The following PRLR variants were observed in gnomAD, a reference collection of about 807,000 sequenced individuals.
PRLR encodes hPRL receptor.
PRLR carries 13 observed loss-of-function variants against 40.2 expected under a neutral mutation model. That is an observed-to-expected ratio of 0.32 (90% CI 0.21 to 0.51). PRLR has a LOEUF of 0.51. Ranked by LOEUF, PRLR falls within the 20% of genes least tolerant of loss-of-function variation. PRLR has a pLI of 0.97. For missense variants in PRLR, 656 were observed against 747.3 expected (o/e 0.88, Z 1.42); for synonymous variants, 269 against 278.7 (o/e 0.97, Z 0.35).
At position 35,119,088 on chromosome 5, in the gene PRLR, C is replaced by A. The variant is rs530719274; in HGVS notation, c.-105-966G>T. ...GGGATTATAGGTGTGAACCACCATGCCCAACCTACAGCTACTTTTTAAAAT... is the reference window on the plus strand; with the variant it reads ...GGGATTATAGGTGTGAACCACCATGACCAACCTACAGCTACTTTTTAAAAT... On this transcript the variant is annotated intron_variant, in intron 1 of 9. Transcript: ENST00000618457. Among the ~76,000 whole-genome samples, 10 of 152,254 alleles carry A rather than the reference C, an allele frequency of 6.6e-5. No individual in the cohort carries two copies. In the South Asian group the frequency reaches 1.9e-3, roughly 29 times the overall value.
At chr5:35,214,843 C>A (rs192849047) in intron 1 of PRLR, among the ~76,000 whole-genome samples, 2 of 152,200 alleles carry the variant, frequency 1.3e-5, no homozygotes, top group East Asian at 3.9e-4. Flanking sequence ...GAAACAGACC[C>A]CTGAGGAGAT....
intron 1 of PRLR, among the ~76,000 whole-genome samples, chr5:35,205,709 T>C (rs1775999096): frequency 6.6e-6 from 1 of 152,190 alleles, no homozygotes. Context: ...TGACTTTTTA[T>C]GTTCTCTATT....
chr5:35,196,983 C>T (rs1045047531), intron 1 of PRLR, among the ~76,000 whole-genome samples: 4 of 152,100 alleles, frequency 2.6e-5, no homozygotes, highest in African/African-American at 9.7e-5. Context: ...TGTAAGCGCA[C>T]TAATCTCATT....
At chr5:35,121,565 T>C (rs1045839186) in intron 1 of PRLR, among the ~76,000 whole-genome samples, 8 of 152,184 alleles carry the variant, frequency 5.3e-5, no homozygotes. Context: ...TTCAATTACC[T>C]CTGATAAGCT....
At chr5:35,118,672 A>G (rs1773158152) in intron 1 of PRLR, among the ~76,000 whole-genome samples, 1 of 152,174 alleles carries the variant, frequency 6.6e-6, no homozygotes, top group Non-Finnish European at 1.5e-5. Context: ...ATTTCTTAAC[A>G]AATTCTGACA....
chr5:35,082,515 A>ATAC (rs143893280), intron 5 of PRLR, among the ~76,000 whole-genome samples: 12,162 of 152,160 alleles, frequency 0.08, 930 homozygotes, highest in African/African-American at 0.2. Context: ...CATACAAGTA[A>ATAC]TACCCCCATC....
chr5:35,051,189 A>G (rs1768486341), downstream of PRLR, among the ~76,000 whole-genome samples: 1 of 152,238 alleles, frequency 6.6e-6, no homozygotes, highest in Admixed American at 6.5e-5. Context: ...TAGCCTTCCC[A>G]CTAGACTGTA....
intron 1 of PRLR, among the ~76,000 whole-genome samples, chr5:35,220,127 G>A (rs936270698): frequency 6.6e-6 from 1 of 152,140 alleles, no homozygotes; most frequent in African/African-American, 2.4e-5. Context: ...GCTGGGAAGA[G>A]CTCTCAAAGG....
intron 1 of PRLR, among the ~76,000 whole-genome samples, chr5:35,190,230 G>A (rs948264805): frequency 7.9e-5 from 12 of 152,210 alleles, no homozygotes; most frequent in African/African-American, 2.9e-4. Context: ...GGCACAAAGA[G>A]ATTAAGTTCT....
At chr5:35,124,785 C>T (rs899877131) in intron 1 of PRLR, among the ~76,000 whole-genome samples, 5 of 152,150 alleles carry the variant, frequency 3.3e-5, no homozygotes, top group South Asian at 2.1e-4. Flanking sequence ...TCTAGGCCCA[C>T]CAGTCAATAG....
chr5:35,131,598 G>A (rs187192791), intron 1 of PRLR, among the ~76,000 whole-genome samples: 1 of 152,226 alleles, frequency 6.6e-6, no homozygotes, highest in East Asian at 1.9e-4. Flanking sequence ...CCCCTGTATG[G>A]CCCACATTCC....
At chr5:35,221,618 C>A (rs899025213) in intron 1 of PRLR, among the ~76,000 whole-genome samples, 1 of 152,152 alleles carries the variant, frequency 6.6e-6, no homozygotes, top group Non-Finnish European at 1.5e-5. Context: ...CCTGGATGCA[C>A]ATTATAAACC....
intron 1 of PRLR, among the ~76,000 whole-genome samples, chr5:35,152,571 C>T (rs955285605): frequency 1.3e-5 from 2 of 152,108 alleles, no homozygotes; most frequent in Non-Finnish European, 2.9e-5. Context: ...CCTCTAAAGA[C>T]AAATGGACAA....
chr5:35,188,884 C>A (rs564979094), intron 1 of PRLR, among the ~76,000 whole-genome samples: 1 of 152,074 alleles, frequency 6.6e-6, no homozygotes, highest in Non-Finnish European at 1.5e-5. Context: ...CTGTTGAAAA[C>A]TTTATTAGGT....
intron 1 of PRLR, among the ~76,000 whole-genome samples, chr5:35,146,084 G>A (rs974395881): frequency 5.3e-5 from 8 of 152,154 alleles, no homozygotes; most frequent in Non-Finnish European, 7.3e-5. Context: ...TCAAATCTAC[G>A]ATGATGGCAT....
chr5:35,198,668 T>A (rs1057034807), intron 1 of PRLR, among the ~76,000 whole-genome samples: 13 of 152,230 alleles, frequency 8.5e-5, no homozygotes, highest in African/African-American at 2.9e-4. Context: ...GAAAAATATG[T>A]TAGCTGCTGA....
chr5:35,130,479 T>C (rs1221002281), intron 1 of PRLR: 3 of 152,170 alleles, frequency 2.0e-5, no homozygotes, highest in Non-Finnish European at 4.4e-5. Flanking sequence ...CTTTGGAACA[T>C]GGCACACAGG....
chr5:35,187,517 C>T (rs756232584), intron 1 of PRLR, among the ~76,000 whole-genome samples: 10 of 152,230 alleles, frequency 6.6e-5, no homozygotes, highest in Non-Finnish European at 5.9e-5. Flanking sequence ...GGAGTCAAGA[C>T]GCCAGAGTTC....
In PRLR at chr5:35,057,380, T is replaced by C. The variant is rs970547194; in HGVS notation, c.*7709A>G. The stretch of plus-strand genomic sequence containing the variant: ...ATGTGTTATTTTGCTCATCTCCATT[T>C]CAAATAAAAAAATAGAGCAAGAGTA... On this transcript the variant is annotated 3_prime_UTR_variant, in exon 10 of 10. Transcript: ENST00000618457. 8 of 152,156 alleles carry C rather than the reference T, an allele frequency of 5.3e-5. No individual in the cohort carries two copies. Among genetic ancestry groups the C allele is most frequent in the African/African-American group, 1.9e-4 (8 of 41,436 alleles). 9.4% of individuals were successfully genotyped at this position (152,156 alleles called of 1,614,324 possible).
Sources: allele counts gnomAD v4.1 joint callset (sites outside exome capture counted in the v4.1 genomes callset), GRCh38; gene constraint gnomAD v4.1.1; transcripts MANE v1.5; gene names NCBI Gene and HGNC (gene_info 2026-07-23, HGNC 2026-07-21).